The following ME3 variants were observed in gnomAD, a reference collection of about 807,000 sequenced individuals.
ME3 encodes the protein NADP-dependent malic enzyme, mitochondrial.
Under a neutral mutation model 68.9 loss-of-function variants are expected in ME3, and 48 were observed. That is an observed-to-expected ratio of 0.70 (90% CI 0.55 to 0.89). ME3 has a LOEUF of 0.89. Ranked by LOEUF, ME3 falls within the 40% of genes least tolerant of loss-of-function variation. The pLI is 0.00. For synonymous variants in ME3, 320 were observed against 318.8 expected (o/e 1.00, Z -0.04); for missense variants, 675 against 797.4 (o/e 0.85, Z 1.85).
At chr11:86,529,099 T>G (rs912993791) in intron 4 of ME3, among the ~76,000 whole-genome samples, 1 of 152,074 alleles carries the variant, frequency 6.6e-6, no homozygotes, top group Non-Finnish European at 1.5e-5. Context: ...ACAAAATTGA[T>G]AGACTGCTAG....
At chr11:86,635,292 G>A (rs59339534) in intron 2 of ME3, among the ~76,000 whole-genome samples, 13,313 of 152,230 alleles carry the variant, frequency 0.087, 629 homozygotes, top group Non-Finnish European at 0.11. Context: ...CTCTCCACCT[G>A]CATACACTGA....
chr11:86,610,112 C>T (rs1942454378), intron 2 of ME3, among the ~76,000 whole-genome samples: 1 of 152,038 alleles, frequency 6.6e-6, no homozygotes. Flanking sequence ...TTAAGAATGC[C>T]TCCATGTGTA....
At chr11:86,469,356 A>G (rs1053320506) in intron 7 of ME3, among the ~76,000 whole-genome samples, 1 of 152,182 alleles carries the variant, frequency 6.6e-6, no homozygotes, top group Non-Finnish European at 1.5e-5. Flanking sequence ...TGAGGAAAAT[A>G]TGGGGGGTGA....
At chr11:86,503,750 T>C (rs749014700) in intron 5 of ME3, among the ~76,000 whole-genome samples, 24 of 152,188 alleles carry the variant, frequency 1.6e-4, no homozygotes, top group Admixed American at 2.6e-4. Flanking sequence ...AAGTGGCTGT[T>C]TACAGAGGAT....
rs535498105 is a variant in ME3, at chr11:86,450,717, T to C, written c.920-319A>G. On this transcript the variant is annotated intron_variant, in intron 8 of 14. Coordinates refer to ENST00000543262, the Ensembl canonical transcript of ME3. ...ATATAATGGAAGACAAAAAGAAGCA[T>C]GAGCCTCATAGAATTATATAAGGGC... Among the ~76,000 whole-genome samples, 275 of 152,322 alleles carry C rather than the reference T, an allele frequency of 1.8e-3. 2 individuals are homozygous for C. Among genetic ancestry groups the C allele is most frequent in the African/African-American group, 6.1e-3 (253 of 41,568 alleles).
chr11:86,596,903 G>A (rs1259715846), intron 2 of ME3, among the ~76,000 whole-genome samples: 1 of 152,146 alleles, frequency 6.6e-6, no homozygotes, highest in Non-Finnish European at 1.5e-5. Flanking sequence ...GATGGGATGG[G>A]CCAAACCAAA....
At chr11:86,506,136 T>A (rs1482844185) in intron 5 of ME3, among the ~76,000 whole-genome samples, 1 of 152,208 alleles carries the variant, frequency 6.6e-6, no homozygotes, top group East Asian at 1.9e-4. Context: ...ACTATCATGG[T>A]CCCGGATCTG....
intron 2 of ME3, among the ~76,000 whole-genome samples, chr11:86,647,284 A>C (rs1321137559): frequency 2.0e-5 from 3 of 152,198 alleles, no homozygotes; most frequent in Non-Finnish European, 4.4e-5. Flanking sequence ...AAGATCCATC[A>C]GTGTGCTGGC....
intron 3 of ME3, among the ~76,000 whole-genome samples, chr11:86,557,500 A>G (rs1442682324): frequency 6.6e-6 from 1 of 152,148 alleles, no homozygotes; most frequent in Non-Finnish European, 1.5e-5. Flanking sequence ...ACAGGGGTAA[A>G]AAAGTCTGTG....
chr11:86,615,194 A>AT (rs1044480603), intron 2 of ME3, among the ~76,000 whole-genome samples: 1 of 151,948 alleles, frequency 6.6e-6, no homozygotes, highest in African/African-American at 2.4e-5. Flanking sequence ...CCCTACACAT[A>AT]TTTTTTCAAG....
Position 86,521,412 on chromosome 11 carries a change from ACAAAACAAAACAAAAC to A in ME3, c.468-12561_468-12546del, listed in dbSNP as rs763052837. On this transcript the variant is annotated intron_variant, in intron 4 of 14. Transcript: ENST00000543262. ...TCCATCTCAAAAACAAACAAACAAA[ACAAAACAAAACAAAAC>A]AAAAATAATAATAATAATAATAATA... Among the ~76,000 whole-genome samples, 20 of 139,520 alleles carry A rather than the reference ACAAAACAAAACAAAAC, an allele frequency of 1.4e-4. 1 individual carries two copies. The highest frequency in any genetic ancestry group is 2.8e-4 in the African/African-American group (10 of 35,594). 91.5% of individuals were successfully genotyped at this position (139,520 alleles called of 152,430 possible). A position where few individuals can be genotyped will look rare whatever the true frequency, so the allele number is the denominator to read the frequency against.
chr11:86,546,588 G>C (rs1239668089), intron 4 of ME3, among the ~76,000 whole-genome samples: 3 of 152,188 alleles, frequency 2.0e-5, no homozygotes, highest in Non-Finnish European at 2.9e-5. Context: ...CTGGTCATTA[G>C]AGAAACGCAA....
chr11:86,552,128 G>C (rs142880474), intron 4 of ME3, among the ~76,000 whole-genome samples: 108 of 152,276 alleles, frequency 7.1e-4, no homozygotes, highest in Middle Eastern at 3.4e-3. Context: ...GCTCCTACTA[G>C]GGCCAGGCCC....
Position 86,559,854 on chromosome 11 carries a change from A to G in ME3, c.184-31T>C, listed in dbSNP as rs371646400. The stretch of plus-strand genomic sequence containing the variant: ...AAAAACAGGAAAAGAACACCCACAC[A>G]TAAGTGCATACTCAGGAGACAAAGG... On this transcript the variant is annotated intron_variant, in intron 2 of 14. Coordinates refer to ENST00000543262, the Ensembl canonical transcript of ME3. The G allele has an allele frequency of 6.4e-5, 103 of 1,609,710 alleles. No individual in the cohort carries two copies. The East Asian group carries it at 1.8e-3, about 28-fold the overall frequency.
At chr11:86,514,611 G>A (rs1311780883) in intron 4 of ME3, among the ~76,000 whole-genome samples, 2 of 152,226 alleles carry the variant, frequency 1.3e-5, no homozygotes, top group African/African-American at 4.8e-5. Context: ...TATGTGCTTT[G>A]CAAATGCAGG....
At chr11:86,441,804 G>A (rs1055229883) in intron 14 of ME3, among the ~76,000 whole-genome samples, 6 of 152,004 alleles carry the variant, frequency 3.9e-5, no homozygotes, top group African/African-American at 1.5e-4. Flanking sequence ...AATTAGACAA[G>A]AGGCAAATGT....
chr11:86,567,243 A>AAAGG (rs149764846), intron 2 of ME3, among the ~76,000 whole-genome samples: 18,085 of 144,342 alleles, frequency 0.13, 1,408 homozygotes, highest in South Asian at 0.23. Flanking sequence ...GAAAAGAAAG[A>AAAGG]AAGGAAGGAA....
intron 2 of ME3, among the ~76,000 whole-genome samples, chr11:86,595,780 C>A (rs1165632629): frequency 6.6e-6 from 1 of 152,210 alleles, no homozygotes; most frequent in Non-Finnish European, 1.5e-5. Context: ...AAGGCTGGCA[C>A]AGGGTGCAGT....
At chr11:86,493,132 C>T (rs1239105481) in intron 6 of ME3, among the ~76,000 whole-genome samples, 1 of 152,170 alleles carries the variant, frequency 6.6e-6, no homozygotes, top group Non-Finnish European at 1.5e-5. Context: ...GATAATCTTG[C>T]AAGGTAGAAG....
Sources: allele counts gnomAD v4.1 joint callset (sites outside exome capture counted in the v4.1 genomes callset), GRCh38; gene constraint gnomAD v4.1.1; transcripts MANE v1.5; gene names NCBI Gene and HGNC (gene_info 2026-07-23, HGNC 2026-07-21).